PEX7: variants seen among roughly 807,000 people sequenced by gnomAD.
PEX7 encodes the protein PTS2 receptor.
PEX7 carries 34 observed loss-of-function variants against 47.5 expected under a neutral mutation model. The ratio of observed to expected loss-of-function variants is 0.72; its 90% confidence interval spans 0.54 to 0.95. The LOEUF is 0.95. PEX7 is among the 40% of genes least tolerant of loss of function. The pLI is 0.00. For missense variants in PEX7, 394 were observed against 400.3 expected, an observed-to-expected ratio of 0.98 and a Z score of 0.13; for synonymous variants, 141 against 148.8, an observed-to-expected ratio of 0.95 and a Z score of 0.38.
At chr6:136,890,033 C>T (rs947459883) in intron 8 of PEX7, among the ~76,000 whole-genome samples, 7 of 152,198 alleles carry the variant, frequency 4.6e-5, no homozygotes, top group African/African-American at 1.7e-4. Context: ...TAGTAGTTTA[C>T]ACAGTTCCCA....
intron 3 of PEX7, among the ~76,000 whole-genome samples, chr6:136,842,158 C>T (rs1467237118): frequency 6.6e-6 from 1 of 151,928 alleles, no homozygotes; most frequent in East Asian, 1.9e-4. Flanking sequence ...TCACACCTGG[C>T]TAAATTTTAT....
intron 8 of PEX7, among the ~76,000 whole-genome samples, chr6:136,895,982 CT>C (rs1224054691): frequency 6.6e-6 from 1 of 152,164 alleles, no homozygotes; most frequent in African/African-American, 2.4e-5. Context: ...TTCAGGTGGA[CT>C]TTTTGAATAG....
At chr6:136,897,935 G>T (rs1775679854) in intron 8 of PEX7, among the ~76,000 whole-genome samples, 2 of 146,874 alleles carry the variant, frequency 1.4e-5, no homozygotes, top group Non-Finnish European at 1.5e-5. Flanking sequence ...TTGATGTAGG[G>T]TTTTTTTTTT....
intron 9 of PEX7, among the ~76,000 whole-genome samples, chr6:136,906,039 A>G (rs987772735): frequency 1.1e-4 from 16 of 152,206 alleles, no homozygotes; most frequent in African/African-American, 3.4e-4. Context: ...GATTACTGCA[A>G]CAATCTCAAA....
At chr6:136,898,306 C>A in intron 9 of PEX7, 65 bp downstream of exon 9, 1 of 977,600 alleles carries the variant, frequency 1.0e-6, no homozygotes, top group Non-Finnish European at 1.7e-6. Context: ...GTGTGGCATG[C>A]ATTGCTTTTA....
chr6:136,878,936 T>TA (rs879811830), intron 8 of PEX7, among the ~76,000 whole-genome samples: 1 of 152,166 alleles, frequency 6.6e-6, no homozygotes, highest in Non-Finnish European at 1.5e-5. Flanking sequence ...CCTTTGGTGT[T>TA]ACAACTTTTT....
intron 5 of PEX7, among the ~76,000 whole-genome samples, chr6:136,859,438 C>T (rs1029157867): frequency 1.3e-5 from 2 of 151,938 alleles, no homozygotes; most frequent in Non-Finnish European, 2.9e-5. Flanking sequence ...ATTGCTGTCA[C>T]AGACTCCATC....
intron 8 of PEX7, among the ~76,000 whole-genome samples, chr6:136,889,795 T>C (rs1342118502): frequency 1.3e-5 from 2 of 152,198 alleles, no homozygotes; most frequent in African/African-American, 4.8e-5. Flanking sequence ...AAGAAGCAAC[T>C]AAAAGAATTT....
intron 9 of PEX7, among the ~76,000 whole-genome samples, chr6:136,910,929 CTTATT>C (rs1239139803): frequency 6.6e-6 from 1 of 152,118 alleles, no homozygotes; most frequent in East Asian, 1.9e-4. Flanking sequence ...TATCAACATT[CTTATT>C]TTATTTATTC....
At chr6:136,823,794 G>A (rs1243087215) in intron 1 of PEX7, among the ~76,000 whole-genome samples, 1 of 152,102 alleles carries the variant, frequency 6.6e-6, no homozygotes. Context: ...GGAGGCTGAG[G>A]TAAGAGAATA....
At chr6:136,903,950 G>A (rs1402972743) in intron 9 of PEX7, among the ~76,000 whole-genome samples, 1 of 151,972 alleles carries the variant, frequency 6.6e-6, no homozygotes, top group Non-Finnish European at 1.5e-5. Flanking sequence ...GGGATTACAG[G>A]TGTGAGCCAC....
intron 3 of PEX7, among the ~76,000 whole-genome samples, chr6:136,843,007 A>G (rs1054166249): frequency 5.3e-5 from 8 of 152,240 alleles, no homozygotes; most frequent in African/African-American, 1.2e-4. Flanking sequence ...TAGCTCCAGT[A>G]AAGGGTGAAA....
chr6:136,875,087 C>T lies in PEX7; in HGVS notation c.803+2834C>T, dbSNP rs529904988. Among the ~76,000 whole-genome samples the T allele has an allele frequency of 5.3e-5, 8 of 151,468 alleles. No individual in the cohort carries two copies. The South Asian group carries it at 1.0e-3, about 20-fold the overall frequency. ...CCAGGTGGCAGAAGTTGCAGTGAGCCGAGATCGTGCCATTGCACTCCAGCC... is the reference window on the plus strand; with the variant it reads ...CCAGGTGGCAGAAGTTGCAGTGAGCTGAGATCGTGCCATTGCACTCCAGCC... On this transcript the variant is annotated intron_variant, in intron 8 of 9. Transcript: ENST00000318471.
intron 8 of PEX7, 75 bp downstream of exon 8, chr6:136,872,328 A>G (rs1775198302): frequency 9.3e-7 from 1 of 1,075,666 alleles, no homozygotes. Flanking sequence ...TATAAGAGAT[A>G]ATATGATTAC....
chr6:136,866,749 C>T lies in PEX7; in HGVS notation c.633+16C>T. 2 of 1,567,240 alleles carry T rather than the reference C, an allele frequency of 1.3e-6. No individual in the cohort carries two copies. Among genetic ancestry groups the T allele is most frequent in the Non-Finnish European group, 1.8e-6 (2 of 1,137,470 alleles). On this transcript the variant is annotated intron_variant, in intron 6 of 9. Coordinates refer to ENST00000318471, the MANE Select transcript of PEX7 (RefSeq NM_000288.4). Reference sequence around the variant, plus strand: ...ATACAATGAGGTATAGTGTATGGCTCTATCCTATGCTGCTGTCCTTCCTAA... The same window carrying T: ...ATACAATGAGGTATAGTGTATGGCTTTATCCTATGCTGCTGTCCTTCCTAA...
At chr6:136,823,221 C>G in intron 1 of PEX7, 6 of 985,414 alleles carry the variant, frequency 6.1e-6, no homozygotes, top group Non-Finnish European at 7.2e-6. Context: ...GCCCACAATT[C>G]CCAGTCTGCA....
At position 136,913,485 on chromosome 6, in the gene PEX7, A is replaced by G. The variant is rs376275987; in HGVS notation, c.931A>G (p.Ile311Val). Reference sequence around the variant, plus strand: ...GGCTGACTGTTCTTGGGATGAAACAATAAAGATCTATGACCCTGCTTGTCT... The same window carrying G: ...GGCTGACTGTTCTTGGGATGAAACAGTAAAGATCTATGACCCTGCTTGTCT... ...QVADCSWDET[I>V]KIYDPACLTI... Residue 311 changes from isoleucine (I) to valine (V), a missense_variant, in exon 10 of 10, where the codon ATA (isoleucine) becomes GTA (valine). Coordinates refer to ENST00000318471, the MANE Select transcript of PEX7 (RefSeq NM_000288.4). 10 of 1,612,672 alleles carry G rather than the reference A, an allele frequency of 6.2e-6. No homozygotes were observed. Among genetic ancestry groups the G allele is most frequent in the Admixed American group, 3.3e-5 (2 of 60,002 alleles).
chr6:136,832,048 T>C lies in PEX7; in HGVS notation c.339+5579T>C, dbSNP rs116046526. Reference sequence around the variant, plus strand: ...GGGGCCTTCAACCCCACATTTTCCTTCTGTACTGCCCTAGCAAAGGTTCTC... The same window carrying C: ...GGGGCCTTCAACCCCACATTTTCCTCCTGTACTGCCCTAGCAAAGGTTCTC... On this transcript the variant is annotated intron_variant, in intron 3 of 9. Transcript: ENST00000318471. 2.6e-3 allele frequency among the ~76,000 whole-genome samples: 392 copies of C among 152,386 alleles called. 2 individuals carry two copies. The highest frequency in any genetic ancestry group is 9.2e-3 in the African/African-American group (382 of 41,588).
At chr6:136,864,383 A>C (rs538494305) in intron 5 of PEX7, among the ~76,000 whole-genome samples, 1 of 152,120 alleles carries the variant, frequency 6.6e-6, no homozygotes, top group African/African-American at 2.4e-5. Flanking sequence ...TACTCATGCT[A>C]CTACCTTGTC....
Sources: allele counts gnomAD v4.1 joint callset (sites outside exome capture counted in the v4.1 genomes callset), GRCh38; gene constraint gnomAD v4.1.1; transcripts MANE v1.5; gene names NCBI Gene and HGNC (gene_info 2026-07-23, HGNC 2026-07-21).